The following ATP2A2 variants were observed in gnomAD, a reference collection of about 807,000 sequenced individuals.
The protein encoded by ATP2A2 is sarcoplasmic/endoplasmic reticulum calcium ATPase 2.
In ATP2A2, 14 loss-of-function variants were observed where a neutral mutation model predicts 109.3. The observed-to-expected ratio is 0.13, with a 90% CI of 0.08 to 0.20. ATP2A2 has a LOEUF of 0.20. ATP2A2 is among the 10% of genes least tolerant of loss of function. The pLI is 1.00. For synonymous variants in ATP2A2, 506 were observed against 490.9 expected, an observed-to-expected ratio of 1.03 and a Z score of -0.41; for missense variants, 657 against 1,321.6, an observed-to-expected ratio of 0.50 and a Z score of 7.80.
intron 5 of ATP2A2, among the ~76,000 whole-genome samples, chr12:110,299,382 C>A (rs1874309352): frequency 6.6e-6 from 1 of 152,054 alleles, no homozygotes; most frequent in Non-Finnish European, 1.5e-5. Flanking sequence ...TTTTAGTAGT[C>A]TAGGCAAGAG....
intron 3 of ATP2A2, among the ~76,000 whole-genome samples, chr12:110,287,529 G>T (rs1872784997): frequency 1.3e-5 from 2 of 152,184 alleles, no homozygotes; most frequent in Admixed American, 1.3e-4. Flanking sequence ...GCAAAGGGAA[G>T]AAGAAACACT....
In ATP2A2 at chr12:110,346,719, G is replaced by C; in HGVS notation, c.*249G>C. ...TATTTTATGCAAATATTTTTTTGTAGATGAAAAAGCATGTACAGTGTTCTG... is the reference window on the plus strand; with the variant it reads ...TATTTTATGCAAATATTTTTTTGTACATGAAAAAGCATGTACAGTGTTCTG... On this transcript the variant is annotated 3_prime_UTR_variant, in exon 20 of 20. Coordinates refer to ENST00000539276, the MANE Select transcript of ATP2A2 (RefSeq NM_170665.4). 7.3e-7 allele frequency: 1 copy of C among 1,360,652 alleles called. No individual in the cohort carries two copies. Among genetic ancestry groups the C allele is most frequent in the Non-Finnish European group, 9.5e-7 (1 of 1,055,796 alleles). 84.3% of individuals were successfully genotyped at this position (1,360,652 alleles called of 1,614,324 possible).
chr12:110,301,754 C>G (rs925353155), intron 5 of ATP2A2, among the ~76,000 whole-genome samples: 4 of 152,220 alleles, frequency 2.6e-5, no homozygotes, highest in Non-Finnish European at 5.9e-5. Context: ...ATTCTCTGAC[C>G]TGATAAACTT....
In ATP2A2 at chr12:110,350,293, A is replaced by C. The variant is rs193112984; in HGVS notation, c.*3823A>C. The stretch of plus-strand genomic sequence containing the variant: ...ATTTCCTCTCTCTTTCCTTTTCAGC[A>C]ATACTGGAGTAACCGCTTCCTAAAC... On this transcript the variant is annotated 3_prime_UTR_variant, in exon 20 of 20. Coordinates refer to ENST00000539276, the MANE Select transcript of ATP2A2 (RefSeq NM_170665.4). The C allele has an allele frequency of 1.6e-5, 26 of 1,614,238 alleles. No individual in the cohort carries two copies. The East Asian group carries it at 5.6e-4, about 35-fold the overall frequency.
intron 11 of ATP2A2, among the ~76,000 whole-genome samples, chr12:110,337,365 C>T (rs967859399): frequency 3.3e-4 from 51 of 152,356 alleles, no homozygotes; most frequent in African/African-American, 1.2e-3. Flanking sequence ...CCACTCCCAG[C>T]CCAAGACCTC....
intron 4 of ATP2A2, among the ~76,000 whole-genome samples, chr12:110,293,040 T>A (rs1249838535): frequency 6.6e-6 from 1 of 152,158 alleles, no homozygotes; most frequent in Non-Finnish European, 1.5e-5. Flanking sequence ...CTTTTAGGTA[T>A]TTGACGGATA....
intron 5 of ATP2A2, among the ~76,000 whole-genome samples, chr12:110,312,119 C>T (rs538169078): frequency 3.3e-5 from 5 of 152,152 alleles, no homozygotes; most frequent in African/African-American, 1.2e-4. Flanking sequence ...GTCAGGGCTG[C>T]AGTGAGCTCA....
intron 9 of ATP2A2, 132 bp from the exon 10 acceptor site, chr12:110,333,049 T>A: frequency 2.4e-6 from 2 of 822,038 alleles, no homozygotes; most frequent in South Asian, 2.7e-5. Context: ...CATCAAATTG[T>A]TTGGAATTTT....
chr12:110,342,559 G>T lies in ATP2A2; in HGVS notation c.2318+111G>T. Reference sequence around the variant, plus strand: ...TGCAGCAGCTTTGGTCTTTGTGCCTGAGTTGGAAGAGGGGAGTGGGCAAGA... The same window carrying T: ...TGCAGCAGCTTTGGTCTTTGTGCCTTAGTTGGAAGAGGGGAGTGGGCAAGA... On this transcript the variant is annotated intron_variant, in intron 15 of 19. Coordinates refer to ENST00000539276, the MANE Select transcript of ATP2A2 (RefSeq NM_170665.4). The surrounding 1 kb of genome is among the most constrained non-coding windows in gnomAD (Gnocchi z 4.6). The T allele has an allele frequency of 1.6e-6, 2 of 1,283,510 alleles. No individual in the cohort carries two copies. The highest frequency in any genetic ancestry group is 2.2e-6 in the Non-Finnish European group (2 of 905,488). The allele number at this position is 1,283,510 out of a possible 1,614,324, so 79.5% of individuals were successfully genotyped here.
chr12:110,327,467 C>A lies in ATP2A2; in HGVS notation c.631-86C>A. 8.1e-7 allele frequency: 1 copy of A among 1,234,472 alleles called. No individual in the cohort carries two copies. The highest frequency in any genetic ancestry group is 1.2e-6 in the Non-Finnish European group (1 of 834,734). 76.5% of individuals were successfully genotyped at this position (1,234,472 alleles called of 1,614,324 possible). A position where few individuals can be genotyped will look rare whatever the true frequency, so the allele number is the denominator to read the frequency against. Reference sequence around the variant, plus strand: ...AGACCTAGTAGAATGTGTAGAGAATCTGGGTGCCCTAGTCAAAAACCAGCG... The same window carrying A: ...AGACCTAGTAGAATGTGTAGAGAATATGGGTGCCCTAGTCAAAAACCAGCG... On this transcript the variant is annotated intron_variant, in intron 7 of 19. Coordinates refer to ENST00000539276, the MANE Select transcript of ATP2A2 (RefSeq NM_170665.4). The surrounding 1 kb of genome is among the most constrained non-coding windows in gnomAD (Gnocchi z 4.4).
At chr12:110,323,654 A>G (rs1191913225) in intron 6 of ATP2A2, among the ~76,000 whole-genome samples, 2 of 152,216 alleles carry the variant, frequency 1.3e-5, no homozygotes, top group Non-Finnish European at 2.9e-5. Flanking sequence ...TACAAAAAAT[A>G]CAAAAATTAG....
At chr12:110,345,131 G>A (rs2137871068) in intron 17 of ATP2A2, 118 bp from the exon 18 acceptor site, 1 of 1,550,588 alleles carries the variant, frequency 6.4e-7, no homozygotes, top group African/African-American at 1.4e-5. Flanking sequence ...AGAAATTGGG[G>A]TAAACCTCTT....
At position 110,327,903 on chromosome 12, in the gene ATP2A2, A is replaced by G. The variant is rs756426005; in HGVS notation, c.981A>G (p.Ala327=). 4 of 1,614,016 alleles carry G rather than the reference A, an allele frequency of 2.5e-6. No individual in the cohort carries two copies. Among genetic ancestry groups the G allele is most frequent in the Non-Finnish European group, 3.4e-6 (4 of 1,179,886 alleles). Residue 327 remains alanine (A), a synonymous_variant, in exon 8 of 20, where the codon GCA becomes GCG. Transcript: ENST00000539276. This position sits in a 1 kb window ranked among gnomAD's most constrained non-coding sequence, Gnocchi z 4.4. The part of the protein sequence containing the change: ...TCLALGTRRM[A]KKNAIVRSLP... The stretch of plus-strand genomic sequence containing the variant: ...TGGCTCTTGGAACTCGCAGAATGGC[A>G]AAGAAAAATGCCATTGTTCGAAGCC...
intron 6 of ATP2A2, among the ~76,000 whole-genome samples, chr12:110,325,167 C>T (rs1029006506): frequency 2.0e-5 from 3 of 152,076 alleles, no homozygotes; most frequent in Non-Finnish European, 2.9e-5. Context: ...TAGAGGTTCT[C>T]GAATATTATC....
intron 1 of ATP2A2, among the ~76,000 whole-genome samples, chr12:110,282,223 C>T (rs1472743458): frequency 6.6e-6 from 1 of 152,230 alleles, no homozygotes; most frequent in East Asian, 1.9e-4. Flanking sequence ...AAGACGTTTT[C>T]TCGTCCCCTG....
Position 110,348,419 on chromosome 12 carries a change from A to G in ATP2A2, c.*1949A>G, listed in dbSNP as rs533342583. On this transcript the variant is annotated 3_prime_UTR_variant, in exon 20 of 20. Coordinates refer to ENST00000539276, the MANE Select transcript of ATP2A2 (RefSeq NM_170665.4). ...GCCTCGACTATATTCTTCAAAATGTACTTAGGCTCTGGTTACTGGGATGGC... is the reference window on the plus strand; with the variant it reads ...GCCTCGACTATATTCTTCAAAATGTGCTTAGGCTCTGGTTACTGGGATGGC... The G allele has an allele frequency of 1.9e-5, 19 of 985,366 alleles. No homozygotes were observed. The highest frequency in any genetic ancestry group is 2.3e-5 in the Non-Finnish European group (19 of 830,040). 61.0% of individuals were successfully genotyped at this position (985,366 alleles called of 1,614,324 possible).
chr12:110,325,623 G>T (rs1022346343), intron 6 of ATP2A2, among the ~76,000 whole-genome samples: 8 of 148,692 alleles, frequency 5.4e-5, no homozygotes, highest in African/African-American at 1.5e-4. Flanking sequence ...GCAAGACTCC[G>T]TCTCAAAAAA....
intron 14 of ATP2A2, among the ~76,000 whole-genome samples, chr12:110,341,638 C>T (rs1016003001): frequency 3.3e-5 from 5 of 152,066 alleles, no homozygotes; most frequent in African/African-American, 1.2e-4. Flanking sequence ...CTTGGGAGGC[C>T]GAGGCAGGTG....
chr12:110,327,404 C>T lies in ATP2A2; in HGVS notation c.631-149C>T. 2 of 787,894 alleles carry T rather than the reference C, an allele frequency of 2.5e-6. No homozygotes were observed. The highest frequency in any genetic ancestry group is 3.4e-5 in the African/African-American group (2 of 59,370). The allele number at this position is 787,894 out of a possible 1,614,324, so 48.8% of individuals were successfully genotyped here. ...GCACATGGAGCATTGCTTGTTGTCA[C>T]AGTTGTATGGCTGGTTGCTTGAACA... On this transcript the variant is annotated intron_variant, in intron 7 of 19. Transcript: ENST00000539276. This position sits in a 1 kb window ranked among gnomAD's most constrained non-coding sequence, Gnocchi z 4.4.
Sources: allele counts gnomAD v4.1 joint callset (sites outside exome capture counted in the v4.1 genomes callset), GRCh38; gene constraint gnomAD v4.1.1; non-coding constraint Gnocchi (gnomAD v3.1); transcripts MANE v1.5; gene names NCBI Gene and HGNC (gene_info 2026-07-23, HGNC 2026-07-21).